The following HAO1 variants were observed in gnomAD, a reference collection of about 807,000 sequenced individuals.
HAO1 encodes hydroxyacid oxidase 1, also known as 2-Hydroxyacid oxidase 1.
HAO1 carries 34 observed loss-of-function variants against 39.7 expected under a neutral mutation model. The ratio of observed to expected loss-of-function variants is 0.86; its 90% CI spans 0.65 to 1.14. The LOEUF (loss-of-function observed/expected upper bound fraction) is 1.14, where lower values mean the gene tolerates loss of function less well. Among genes scored for constraint, HAO1 ranks in the 50% most tolerant of loss-of-function variants. HAO1 has a pLI of 0.00. For missense variants in HAO1, 479 were observed against 464.5 expected, an observed-to-expected ratio of 1.03 and a Z score of -0.29; for synonymous variants, 172 against 173.2, an observed-to-expected ratio of 0.99 and a Z score of 0.05.
intron 3 of HAO1, among the ~76,000 whole-genome samples, chr20:7,908,282 C>T (rs1481028889): frequency 6.6e-6 from 1 of 151,616 alleles, no homozygotes; most frequent in Non-Finnish European, 1.5e-5. Flanking sequence ...ATCTCAGCTA[C>T]TTGGGAGGCT....
chr20:7,933,426 C>T (rs1331294368), intron 2 of HAO1, among the ~76,000 whole-genome samples: 1 of 151,910 alleles, frequency 6.6e-6, no homozygotes, highest in Non-Finnish European at 1.5e-5. Flanking sequence ...AGATATTTAC[C>T]CATTTAGTAT....
At chr20:7,893,583 G>A (rs983270844) in intron 5 of HAO1, among the ~76,000 whole-genome samples, 1 of 152,082 alleles carries the variant, frequency 6.6e-6, no homozygotes, top group Non-Finnish European at 1.5e-5. Flanking sequence ...GGATCAGTTG[G>A]CACCACTGTC....
At chr20:7,918,853 G>A (rs1294142005) in intron 2 of HAO1, among the ~76,000 whole-genome samples, 1 of 152,156 alleles carries the variant, frequency 6.6e-6, no homozygotes, top group Non-Finnish European at 1.5e-5. Context: ...CTAGCCTATG[G>A]CTTGAAAGCA....
intron 5 of HAO1, among the ~76,000 whole-genome samples, chr20:7,892,233 G>A (rs2050177415): frequency 6.6e-6 from 1 of 152,104 alleles, no homozygotes; most frequent in East Asian, 1.9e-4. Context: ...TTACAGGAGT[G>A]CACCACCATG....
chr20:7,937,214 G>A (rs1445071304), intron 1 of HAO1, among the ~76,000 whole-genome samples: 1 of 152,082 alleles, frequency 6.6e-6, no homozygotes, highest in Non-Finnish European at 1.5e-5. Flanking sequence ...TAGCTGCCCT[G>A]TTGAAGGAAG....
rs1409650566 is a variant in HAO1, at chr20:7,933,577, T to C, written c.289+907A>G. On this transcript the variant is annotated intron_variant, in intron 2 of 7. Coordinates refer to ENST00000378789, the MANE Select transcript of HAO1 (RefSeq NM_017545.3). ...GTCCAGCAAAACCTCATTGTGCCAT[T>C]CTGATATCCCTGACAGAATTTTATG... is the stretch of plus-strand genomic sequence containing the variant. Among the ~76,000 whole-genome samples, 9 of 152,238 alleles carry C rather than the reference T, an allele frequency of 5.9e-5. No individual in the cohort carries two copies. The East Asian group carries it at 1.7e-3, about 29-fold the overall frequency.
At chr20:7,906,098 C>T (rs564045779) in intron 4 of HAO1, 56 bp downstream of exon 4, 17 of 1,146,144 alleles carry the variant, frequency 1.5e-5, no homozygotes, top group Middle Eastern at 1.9e-4. Context: ...ATATTATGAA[C>T]GTATCCACAA....
At chr20:7,895,049 A>G in intron 5 of HAO1, 84 bp downstream of exon 5, 1 of 873,686 alleles carries the variant, frequency 1.1e-6, no homozygotes, top group South Asian at 1.4e-5. Flanking sequence ...AAGTACACAC[A>G]GAGAGGAGGA....
intron 3 of HAO1, among the ~76,000 whole-genome samples, chr20:7,910,401 A>G (rs1373855005): frequency 6.6e-6 from 1 of 152,198 alleles, no homozygotes; most frequent in Non-Finnish European, 1.5e-5. Context: ...AAATAACATG[A>G]AGGTATTATA....
intron 2 of HAO1, 65 bp from the exon 3 acceptor site, chr20:7,914,484 G>A: frequency 6.4e-7 from 1 of 1,555,264 alleles, no homozygotes; most frequent in Non-Finnish European, 8.8e-7. Context: ...CCTTTGAATT[G>A]TAGTTGGATG....
intron 2 of HAO1, among the ~76,000 whole-genome samples, chr20:7,931,413 G>T (rs1264956503): frequency 6.6e-6 from 1 of 152,250 alleles, no homozygotes; most frequent in East Asian, 1.9e-4. Context: ...GAGGAGCCCA[G>T]ATTCTGGAGA....
chr20:7,898,491 G>A (rs1286767926), intron 4 of HAO1, among the ~76,000 whole-genome samples: 3 of 152,090 alleles, frequency 2.0e-5, no homozygotes, highest in Non-Finnish European at 4.4e-5. Context: ...TTTAACAAGA[G>A]AATTCATATG....
intron 2 of HAO1, among the ~76,000 whole-genome samples, chr20:7,932,824 C>CA (rs1380161706): frequency 6.6e-6 from 1 of 151,908 alleles, no homozygotes; most frequent in Non-Finnish European, 1.5e-5. Flanking sequence ...TTTTTTTCCT[C>CA]AAAAATCATA....
At chr20:7,900,174 A>G (rs1044778086) in intron 4 of HAO1, among the ~76,000 whole-genome samples, 1 of 152,126 alleles carries the variant, frequency 6.6e-6, no homozygotes, top group Non-Finnish European at 1.5e-5. Flanking sequence ...AACAATGTAT[A>G]CAGGCATACC....
chr20:7,897,662 A>G (rs563290381), intron 4 of HAO1, among the ~76,000 whole-genome samples: 6 of 151,998 alleles, frequency 3.9e-5, no homozygotes, highest in Admixed American at 6.6e-5. Context: ...TTTTCTTTTC[A>G]TGGCAGACTC....
At chr20:7,920,644 T>C (rs1343948421) in intron 2 of HAO1, among the ~76,000 whole-genome samples, 1 of 152,060 alleles carries the variant, frequency 6.6e-6, no homozygotes, top group African/African-American at 2.4e-5. Context: ...AGACCTACCT[T>C]TTTAGATTCC....
intron 3 of HAO1, among the ~76,000 whole-genome samples, chr20:7,908,226 C>A (rs1284488764): frequency 6.6e-6 from 1 of 151,906 alleles, no homozygotes; most frequent in African/African-American, 2.4e-5. Flanking sequence ...CCAGTCTCTA[C>A]TAAAAATTCA....
At chr20:7,908,119 A>G (rs974385265) in intron 3 of HAO1, among the ~76,000 whole-genome samples, 2 of 152,100 alleles carry the variant, frequency 1.3e-5, no homozygotes, top group Admixed American at 6.6e-5. Context: ...GCTGGGCGCA[A>G]TGGCTCATGC....
chr20:7,921,628 C>A (rs2122785329), intron 2 of HAO1, among the ~76,000 whole-genome samples: 1 of 152,152 alleles, frequency 6.6e-6, no homozygotes, highest in Non-Finnish European at 1.5e-5. Flanking sequence ...GACAATAAGT[C>A]ATTCTACCAA....
Sources: allele counts gnomAD v4.1 joint callset (sites outside exome capture counted in the v4.1 genomes callset), GRCh38; gene constraint gnomAD v4.1.1; transcripts MANE v1.5; gene names NCBI Gene and HGNC (gene_info 2026-07-23, HGNC 2026-07-21).